The following XRN2 variants were observed in gnomAD, a reference collection of about 807,000 sequenced individuals.
XRN2 encodes the protein 5'-3' exoribonuclease 2.
XRN2 carries 44 observed loss-of-function variants against 138.5 expected under a neutral mutation model. The ratio of observed to expected loss-of-function variants is 0.32; its 90% confidence interval spans 0.25 to 0.41. XRN2 has a LOEUF of 0.41. XRN2 is among the 10% of genes least tolerant of loss of function. The pLI is 1.00. For missense variants in XRN2, 937 were observed against 1,169.3 expected, an observed-to-expected ratio of 0.80 and a Z score of 2.90; for synonymous variants, 354 against 369.4, an observed-to-expected ratio of 0.96 and a Z score of 0.48.
chr20:21,386,954 T>C lies in XRN2; in HGVS notation c.2735T>C (p.Leu912Pro), dbSNP rs1568602404. The change falls in exon 29 of 30, where the codon CTA becomes CCA. Residue 912 changes from leucine to proline, a missense_variant. Transcript: ENST00000377191. ...TTCCAGCCAAACCAGTACCAGATGC[T>C]AGCTGGGCCTGGTGGGTATCCACCC... ...AAFQPNQYQM[L>P]AGPGGYPPRR... 1 of 1,613,860 alleles carries C rather than the reference T, an allele frequency of 6.2e-7. No individual in the cohort carries two copies. The highest frequency in any genetic ancestry group is 8.5e-7 in the Non-Finnish European group (1 of 1,179,846).
chr20:21,334,296 G>C, intron 13 of XRN2, 111 bp downstream of exon 13: 1 of 843,318 alleles, frequency 1.2e-6, no homozygotes, highest in African/African-American at 1.7e-5. Flanking sequence ...ATTATGGTGT[G>C]TCAACACTAA....
rs775554572 is a variant in XRN2 at position 21,368,618 on chromosome 20, C to T, written c.2584+28C>T. 2.5e-6 allele frequency: 4 copies of T among 1,606,670 alleles called. 1 individual carries two copies. In the South Asian group the frequency reaches 4.5e-5, roughly 18 times the overall value. On this transcript the variant is annotated intron_variant, in intron 27 of 29. Coordinates refer to ENST00000377191, the MANE Select transcript of XRN2 (RefSeq NM_012255.5). ...AAGCTTTTACAAATCGGTTATTTTA[C>T]ATTATAAATTAAATATCACAGCAAA...
At chr20:21,365,913 A>G (rs1279632523) in intron 26 of XRN2, among the ~76,000 whole-genome samples, 1 of 90,276 alleles carries the variant, frequency 1.1e-5, no homozygotes, top group Non-Finnish European at 2.3e-5. Context: ...TATAATATAT[A>G]TAATATAATA....
At chr20:21,345,506 C>G (rs995477059) in intron 16 of XRN2, among the ~76,000 whole-genome samples, 1 of 152,108 alleles carries the variant, frequency 6.6e-6, no homozygotes, top group Non-Finnish European at 1.5e-5. Flanking sequence ...AAATCTGGCA[C>G]ATGGAAAAGA....
At chr20:21,324,886 T>C (rs2038102596) in intron 1 of XRN2, among the ~76,000 whole-genome samples, 1 of 152,250 alleles carries the variant, frequency 6.6e-6, no homozygotes, top group African/African-American at 2.4e-5. Flanking sequence ...CAGTGGTTTT[T>C]AGTATATTTA....
chr20:21,321,990 T>A lies in XRN2; in HGVS notation c.76-4289T>A, dbSNP rs543295648. On this transcript the variant is annotated intron_variant, in intron 1 of 29. Transcript: ENST00000377191. ...GAAATTACAATTAATTAGTCTAACATACTGGTTAAGGTACCATCTCTGAGT... is the reference window on the plus strand; with the variant it reads ...GAAATTACAATTAATTAGTCTAACAAACTGGTTAAGGTACCATCTCTGAGT... Among the ~76,000 whole-genome samples, 303 of 152,350 alleles carry A rather than the reference T, an allele frequency of 2.0e-3. 1 individual carries two copies. Among genetic ancestry groups the A allele is most frequent in the African/African-American group, 6.7e-3 (280 of 41,578 alleles).
chr20:21,310,027 G>A (rs1241492531), intron 1 of XRN2, among the ~76,000 whole-genome samples: 1 of 151,978 alleles, frequency 6.6e-6, no homozygotes, highest in African/African-American at 2.4e-5. Context: ...TGTTTATTAA[G>A]GTAGAAGCTG....
intron 27 of XRN2, among the ~76,000 whole-genome samples, chr20:21,379,038 T>C (rs989330255): frequency 6.6e-6 from 1 of 152,240 alleles, no homozygotes; most frequent in Non-Finnish European, 1.5e-5. Flanking sequence ...TTAGCCACGT[T>C]GAAAAGTGAT....
rs1452554230 is a variant in XRN2, at chr20:21,332,381, A to C, written c.799A>C (p.Asn267His). 6.2e-7 allele frequency: 1 copy of C among 1,613,864 alleles called. No individual in the cohort carries two copies. Among genetic ancestry groups the C allele is most frequent in the South Asian group, 1.1e-5 (1 of 91,048 alleles). The change falls in exon 9 of 30, where the codon AAT becomes CAT. Residue 267 changes from asparagine (N) to histidine (H), a missense_variant. By Grantham distance (68) the Asn-to-His change is moderately conservative (BLOSUM62 1). This residue lies in a region of XRN2 where 471 missense variants were observed against 581.2 expected (regional missense o/e 0.81). Coordinates refer to ENST00000377191, the MANE Select transcript of XRN2 (RefSeq NM_012255.5). ...PNKPKPCGLC[N>H]QFGHEVKDCE... ...CAAGCCCAAACCATGTGGTCTTTGT[A>C]ATCAGTTTGGACATGAGGTCAAAGA...
At position 21,354,656 on chromosome 20, in the gene XRN2, A is replaced by T. The variant is rs1267389651; in HGVS notation, c.1937-133A>T. 42 of 748,134 alleles carry T rather than the reference A, an allele frequency of 5.6e-5. 1 individual carries two copies. The South Asian group carries it at 7.9e-4, about 14-fold the overall frequency. The allele number at this position is 748,134 out of a possible 1,614,324, so 46.3% of individuals were successfully genotyped here. A position where few individuals can be genotyped will look rare whatever the true frequency, so the allele number is the denominator to read the frequency against. ...ATCTGAGTTTTGGCTTAATGAGACAATAAGAGTTCAGTTCCAAAATGTTTT... is the reference window on the plus strand; with the variant it reads ...ATCTGAGTTTTGGCTTAATGAGACATTAAGAGTTCAGTTCCAAAATGTTTT... On this transcript the variant is annotated intron_variant, in intron 20 of 29. Transcript: ENST00000377191.
chr20:21,356,034 G>T, intron 21 of XRN2, 46 bp from the exon 22 acceptor site: 2 of 1,499,904 alleles, frequency 1.3e-6, no homozygotes, highest in South Asian at 1.2e-5. Context: ...GGTCTTGCAG[G>T]TACAATTTTT....
chr20:21,359,496 A>G (rs1306025171), intron 24 of XRN2, among the ~76,000 whole-genome samples: 1 of 151,632 alleles, frequency 6.6e-6, no homozygotes, highest in African/African-American at 2.4e-5. Flanking sequence ...AGATCACACC[A>G]CTTGGGCAAC....
At chr20:21,386,622 CTT>C (rs1425371874) in intron 28 of XRN2, among the ~76,000 whole-genome samples, 1 of 152,138 alleles carries the variant, frequency 6.6e-6, no homozygotes, top group Non-Finnish European at 1.5e-5. Flanking sequence ...AACAAAATAA[CTT>C]TTAAAAGTCA....
At chr20:21,312,384 G>A (rs562811430) in intron 1 of XRN2, among the ~76,000 whole-genome samples, 7 of 151,748 alleles carry the variant, frequency 4.6e-5, no homozygotes, top group Non-Finnish European at 2.9e-5. Flanking sequence ...GTGAGCCACC[G>A]TGCCCGGCCT....
At chr20:21,351,820 G>A (rs1239340201) in intron 20 of XRN2, among the ~76,000 whole-genome samples, 2 of 151,984 alleles carry the variant, frequency 1.3e-5, no homozygotes, top group African/African-American at 4.8e-5. Flanking sequence ...AAATTTTCCC[G>A]GCACCACTTG....
At chr20:21,387,083 C>T in intron 29 of XRN2, 77 bp downstream of exon 29, 2 of 1,521,836 alleles carry the variant, frequency 1.3e-6, no homozygotes, top group South Asian at 1.3e-5. Context: ...TATTTTCTTA[C>T]CAACATTTCT....
At chr20:21,330,209 G>A (rs1056239593) in intron 4 of XRN2, among the ~76,000 whole-genome samples, 6 of 152,030 alleles carry the variant, frequency 3.9e-5, no homozygotes, top group Admixed American at 6.6e-5. Context: ...CTTGAACCCC[G>A]GAAGGCGGAG....
chr20:21,312,599 AAG>A (rs1361585637), intron 1 of XRN2, among the ~76,000 whole-genome samples: 1 of 92,166 alleles, frequency 1.1e-5, no homozygotes, highest in African/African-American at 3.8e-5. Flanking sequence ...ACCAAACCCC[AAG>A]ATTTTTTTTT....
In XRN2 at chr20:21,389,260, T is replaced by C; in HGVS notation, c.2788-13T>C. On this transcript the variant is annotated splice_polypyrimidine_tract_variant and intron_variant, in intron 29 of 29. Transcript: ENST00000377191. Reference sequence around the variant, plus strand: ...GGTCCAGAAAATAAACTCTTTCTTTTGTTTATTTTCAGGGATATCCCAGAG... The same window carrying C: ...GGTCCAGAAAATAAACTCTTTCTTTCGTTTATTTTCAGGGATATCCCAGAG... 6.2e-7 allele frequency: 1 copy of C among 1,609,830 alleles called. No homozygotes were observed. Among genetic ancestry groups the C allele is most frequent in the Non-Finnish European group, 8.5e-7 (1 of 1,177,628 alleles).
Sources: gnomAD v4.1 joint callset for allele counts (sites outside exome capture counted in the v4.1 genomes callset) on GRCh38, gnomAD v4.1.1 for gene constraint, gnomAD v4.1.1 regional missense constraint, MANE v1.5 for transcripts, NCBI Gene and HGNC (gene_info 2026-07-23, HGNC 2026-07-21) for gene names.